POLH: variants seen among roughly 807,000 people sequenced by gnomAD.
POLH encodes DNA polymerase eta transcript.
In POLH, 53 loss-of-function variants were observed where a neutral mutation model predicts 73.6. The ratio of observed to expected loss-of-function variants is 0.72; its 90% CI spans 0.58 to 0.91. POLH has a LOEUF of 0.91. POLH is among the 40% of genes least tolerant of loss of function. POLH has a pLI of 0.00. For missense variants in POLH, 768 were observed against 865.4 expected (o/e 0.89, Z 1.41); for synonymous variants, 292 against 308.5 (o/e 0.95, Z 0.56).
chr6:43,597,972 G>A (rs1429151606), intron 5 of POLH, 107 bp downstream of exon 5: 5 of 959,012 alleles, frequency 5.2e-6, no homozygotes, highest in Admixed American at 3.6e-5. Flanking sequence ...GTGCAGTTTC[G>A]CACGCCTATG....
chr6:43,591,638 A>T (rs112367299), intron 4 of POLH, among the ~76,000 whole-genome samples: 3,763 of 143,842 alleles, frequency 0.026, 116 homozygotes, highest in African/African-American at 0.076. Context: ...TTTTTTTTTT[A>T]AATATTTGGA....
Position 43,620,478 on chromosome 6 carries a change from G to T in POLH, c.*5921G>T, listed in dbSNP as rs886134642. ...GAAGGAAGCTGAGCCTGTAGCTAAC[G>T]CATAAGCACAGTGTATTCAATAAAA... On this transcript the variant is annotated 3_prime_UTR_variant, in exon 11 of 11. Transcript: ENST00000372236. The T allele has an allele frequency of 5.9e-6, 2 of 339,996 alleles. No individual in the cohort carries two copies. The highest frequency in any genetic ancestry group is 4.4e-5 in the African/African-American group (2 of 45,772). 21.1% of individuals were successfully genotyped at this position (339,996 alleles called of 1,614,324 possible).
At chr6:43,602,741 C>T (rs1004053721) in intron 6 of POLH, among the ~76,000 whole-genome samples, 1 of 150,460 alleles carries the variant, frequency 6.6e-6, no homozygotes. Flanking sequence ...GATATTGGCT[C>T]ACTGTAGCCT....
At chr6:43,599,881 G>A (rs926096036) in intron 5 of POLH, among the ~76,000 whole-genome samples, 6 of 151,838 alleles carry the variant, frequency 4.0e-5, no homozygotes, top group African/African-American at 9.7e-5. Context: ...TCTCTTGGCC[G>A]AGTGCGGTGG....
chr6:43,593,818 T>C (rs1238100944), intron 4 of POLH, among the ~76,000 whole-genome samples: 1 of 145,172 alleles, frequency 6.9e-6, no homozygotes, highest in East Asian at 2.0e-4. Flanking sequence ...AGGCAGAGGT[T>C]GCAGTGAGCT....
chr6:43,581,499 G>A (rs1290807191), intron 1 of POLH, among the ~76,000 whole-genome samples: 2 of 148,964 alleles, frequency 1.3e-5, no homozygotes, highest in East Asian at 2.0e-4. Flanking sequence ...GGTGGCGGCC[G>A]GGCAGAGGCT....
rs946899843 is a variant in POLH at position 43,617,331 on chromosome 6, G to C, written c.*2774G>C. On this transcript the variant is annotated 3_prime_UTR_variant, in exon 11 of 11. Transcript: ENST00000372236. Reference sequence around the variant, plus strand: ...CTTAATTGTAATCTGATATTAACAAGATTTCCCAATGTGGGTCAGGTGTGG... The same window carrying C: ...CTTAATTGTAATCTGATATTAACAACATTTCCCAATGTGGGTCAGGTGTGG... Among the ~76,000 whole-genome samples, 5 of 152,112 alleles carry C rather than the reference G, an allele frequency of 3.3e-5. No individual in the cohort carries two copies. The South Asian group carries it at 1.0e-3, about 32-fold the overall frequency.
At position 43,582,988 on chromosome 6, in the gene POLH, C is replaced by CT. The variant is rs758452896; in HGVS notation, c.138-11dup. Reference sequence around the variant, plus strand: ...GATCATATAATATGTTTTCTGTTTCCTTTTTTTTCTAACCTTAGAATAATT... The same window carrying CT: ...GATCATATAATATGTTTTCTGTTTCCTTTTTTTTTCTAACCTTAGAATAATT... On this transcript the variant is annotated intron_variant, in intron 2 of 10. Coordinates refer to ENST00000372236, the MANE Select transcript of POLH (RefSeq NM_006502.3). 2.7e-5 allele frequency: 44 copies of CT among 1,604,262 alleles called. No homozygotes were observed. The highest frequency in any genetic ancestry group is 4.0e-5 in the African/African-American group (3 of 74,742).
intron 1 of POLH, among the ~76,000 whole-genome samples, chr6:43,578,241 G>A (rs1763602033): frequency 6.6e-6 from 1 of 152,112 alleles, no homozygotes; most frequent in South Asian, 2.1e-4. Flanking sequence ...ACAAAAATTA[G>A]CCGGGCGTGG....
intron 4 of POLH, among the ~76,000 whole-genome samples, chr6:43,595,856 T>TA (rs1765991124): frequency 1.3e-5 from 2 of 151,864 alleles, no homozygotes; most frequent in African/African-American, 4.8e-5. Flanking sequence ...TTTTTTTTTT[T>TA]AAATTACCTA....
chr6:43,598,222 G>A (rs1305391736), intron 5 of POLH, among the ~76,000 whole-genome samples: 1 of 145,660 alleles, frequency 6.9e-6, no homozygotes, highest in Non-Finnish European at 1.5e-5. Context: ...AAAAAAAGTT[G>A]TTACACATGT....
chr6:43,583,042 G>T lies in POLH; in HGVS notation c.173G>T (p.Gly58Val), dbSNP rs756182088. The T allele has an allele frequency of 6.2e-7, 1 of 1,613,666 alleles. No individual in the cohort carries two copies. The highest frequency in any genetic ancestry group is 8.5e-7 in the Non-Finnish European group (1 of 1,179,692). Residue 58 changes from glycine to valine, a missense_variant, in exon 3 of 11, where the codon GGA (glycine) becomes GTA (valine). Transcript: ENST00000372236. Reference protein sequence around the residue: ...IAVSYEARAFGVTRSMWADDA... With the variant: ...IAVSYEARAFVVTRSMWADDA... Reference sequence around the variant, plus strand: ...GTGAGTTATGAAGCTCGTGCATTTGGAGTCACTAGAAGTATGTGGGCAGAT... The same window carrying T: ...GTGAGTTATGAAGCTCGTGCATTTGTAGTCACTAGAAGTATGTGGGCAGAT...
chr6:43,582,562 C>T (rs1449283806), intron 2 of POLH, 106 bp downstream of exon 2: 7 of 1,153,770 alleles, frequency 6.1e-6, no homozygotes, highest in Non-Finnish European at 9.1e-6. Context: ...GGGCCTTTCT[C>T]TGTTGTCCCA....
rs567477927 is a variant in POLH, at chr6:43,611,970, T to G, written c.1244+1247T>G. 2.6e-5 allele frequency among the ~76,000 whole-genome samples: 4 copies of G among 152,086 alleles called. No individual in the cohort carries two copies. In the South Asian group the frequency reaches 8.3e-4, roughly 32 times the overall value. On this transcript the variant is annotated intron_variant, in intron 10 of 10. Coordinates refer to ENST00000372236, the MANE Select transcript of POLH (RefSeq NM_006502.3). ...ACTTGGGAGGCTGAGGCAGGAGAAT[T>G]GCTTGAACCTGGGAGGTGGAGGTTG...
chr6:43,594,199 T>G (rs1421293792), intron 4 of POLH, among the ~76,000 whole-genome samples: 1 of 152,122 alleles, frequency 6.6e-6, no homozygotes, highest in Non-Finnish European at 1.5e-5. Context: ...CAGAGAAAAT[T>G]TAGCTCTAAC....
intron 10 of POLH, among the ~76,000 whole-genome samples, 163 bp downstream of exon 10, chr6:43,610,886 G>A (rs1767814151): frequency 6.6e-6 from 1 of 152,128 alleles, no homozygotes; most frequent in African/African-American, 2.4e-5. Context: ...TTTATGTACA[G>A]ATTAGTCCTT....
chr6:43,610,499 G>T lies in POLH; in HGVS notation c.1075-55G>T, dbSNP rs953460135. 2.7e-6 allele frequency: 4 copies of T among 1,458,768 alleles called. No individual in the cohort carries two copies. In the East Asian group the frequency reaches 9.1e-5, roughly 33 times the overall value. 90.4% of individuals were successfully genotyped at this position (1,458,768 alleles called of 1,614,324 possible). A position where few individuals can be genotyped will look rare whatever the true frequency, so the allele number is the denominator to read the frequency against. On this transcript the variant is annotated intron_variant, in intron 9 of 10. Transcript: ENST00000372236. ...TTCCTCTCCTGCAGTTCAGTACCTA[G>T]AATTCAGATGCTCCTCATAACTTTA...
At chr6:43,580,611 GGCCGGGCAGAGGC>G (rs1451715402) in intron 1 of POLH, among the ~76,000 whole-genome samples, 1 of 124,086 alleles carries the variant, frequency 8.1e-6, no homozygotes, top group East Asian at 2.6e-4. Context: ...CAGTAGGGGC[GGCCGGGCAGAGGC>G]GCCCCTCACC....
chr6:43,611,310 A>G (rs1024079191), intron 10 of POLH, among the ~76,000 whole-genome samples: 1 of 152,238 alleles, frequency 6.6e-6, no homozygotes, highest in Non-Finnish European at 1.5e-5. Flanking sequence ...TGGGAACTTC[A>G]AACTACTTGA....
Sources: allele counts gnomAD v4.1 joint callset (sites outside exome capture counted in the v4.1 genomes callset), GRCh38; gene constraint gnomAD v4.1.1; transcripts MANE v1.5; gene names NCBI Gene and HGNC (gene_info 2026-07-23, HGNC 2026-07-21).